Variants in ROBO2 observed in about 807,000 individuals in gnomAD.
The protein encoded by ROBO2 is roundabout homolog 2.
Under a neutral mutation model 160.8 loss-of-function variants are expected in ROBO2, and 53 were observed. The observed-to-expected ratio is 0.33, with a 90% CI of 0.26 to 0.41. The LOEUF (loss-of-function observed/expected upper bound fraction) is 0.41, where lower values mean the gene tolerates loss of function less well. ROBO2 is among the 10% of genes least tolerant of loss of function. The pLI is 1.00. For synonymous variants in ROBO2, 664 were observed against 611.7 expected, an observed-to-expected ratio of 1.09 and a Z score of -1.26; for missense variants, 1,577 against 1,722.4, an observed-to-expected ratio of 0.92 and a Z score of 1.49.
intron 6 of ROBO2, among the ~76,000 whole-genome samples, chr3:77,527,962 A>G (rs910790610): frequency 5.3e-5 from 8 of 151,554 alleles, no homozygotes; most frequent in African/African-American, 1.9e-4. Context: ...TGGGGGAGGG[A>G]TAGTGGAGCT....
At chr3:76,814,594 T>G (rs570044917) in intron 2 of ROBO2, among the ~76,000 whole-genome samples, 26 of 82,858 alleles carry the variant, frequency 3.1e-4, no homozygotes, top group Admixed American at 1.7e-3. Flanking sequence ...AAAGGATCGG[T>G]TTTTTTTGTC....
chr3:77,287,864 A>G (rs1234489987), intron 2 of ROBO2, among the ~76,000 whole-genome samples: 1 of 152,234 alleles, frequency 6.6e-6, no homozygotes, highest in African/African-American at 2.4e-5. Context: ...GAATTAAATT[A>G]ACCTGAGCCT....
intron 2 of ROBO2, among the ~76,000 whole-genome samples, chr3:75,942,477 G>A (rs1212538836): frequency 6.6e-6 from 1 of 152,024 alleles, no homozygotes; most frequent in African/African-American, 2.4e-5. Context: ...CATTGTGGTA[G>A]ACAATAATTT....
At chr3:76,219,925 C>G (rs1050998148) in intron 2 of ROBO2, among the ~76,000 whole-genome samples, 1 of 151,962 alleles carries the variant, frequency 6.6e-6, no homozygotes, top group Non-Finnish European at 1.5e-5. Flanking sequence ...TTGGAACCAA[C>G]CCAAATGTCC....
At chr3:76,484,030 A>T (rs1322395311) in intron 2 of ROBO2, among the ~76,000 whole-genome samples, 1 of 152,150 alleles carries the variant, frequency 6.6e-6, no homozygotes, top group African/African-American at 2.4e-5. Context: ...GAACGTACAC[A>T]TGCATGTGTC....
chr3:76,556,370 A>C (rs1405396645), intron 2 of ROBO2, among the ~76,000 whole-genome samples: 1 of 152,174 alleles, frequency 6.6e-6, no homozygotes, highest in East Asian at 1.9e-4. Flanking sequence ...TTACAAAGAC[A>C]ATAATACTCA....
intron 2 of ROBO2, among the ~76,000 whole-genome samples, chr3:77,437,303 A>T (rs1034462354): frequency 3.9e-5 from 6 of 151,990 alleles, no homozygotes; most frequent in African/African-American, 7.2e-5. Context: ...TAGTTCTTAC[A>T]CTATTTTAAA....
At chr3:76,074,705 C>T (rs2068585793) in intron 2 of ROBO2, among the ~76,000 whole-genome samples, 1 of 152,046 alleles carries the variant, frequency 6.6e-6, no homozygotes, top group South Asian at 2.1e-4. Context: ...AAATATAAGA[C>T]TGTTCATAGT....
chr3:77,433,176 A>G (rs1295275820), intron 2 of ROBO2, among the ~76,000 whole-genome samples: 1 of 151,976 alleles, frequency 6.6e-6, no homozygotes, highest in Non-Finnish European at 1.5e-5. Flanking sequence ...TGCAGACATG[A>G]GTTGATTTTT....
chr3:76,646,752 T>C (rs2090989288), intron 2 of ROBO2, among the ~76,000 whole-genome samples: 1 of 152,204 alleles, frequency 6.6e-6, no homozygotes, highest in African/African-American at 2.4e-5. Flanking sequence ...GCCATAATGA[T>C]GGTTTGTCTA....
chr3:76,634,241 G>C (rs2090189347), intron 2 of ROBO2, among the ~76,000 whole-genome samples: 1 of 152,094 alleles, frequency 6.6e-6, no homozygotes, highest in Non-Finnish European at 1.5e-5. Flanking sequence ...TGCATCCCTG[G>C]TTTCACTTTT....
chr3:76,948,757 G>T (rs944658258), intron 2 of ROBO2, among the ~76,000 whole-genome samples: 1 of 143,112 alleles, frequency 7.0e-6, no homozygotes, highest in Non-Finnish European at 1.5e-5. Flanking sequence ...CCAGGCTGGA[G>T]TGCAGTGGCG....
chr3:77,456,491 A>T (rs1269175729), intron 2 of ROBO2, among the ~76,000 whole-genome samples: 1 of 152,214 alleles, frequency 6.6e-6, no homozygotes, highest in Non-Finnish European at 1.5e-5. Context: ...TTTGTGTGCA[A>T]AACTTTCATT....
At chr3:76,694,657 T>C (rs968171397) in intron 2 of ROBO2, among the ~76,000 whole-genome samples, 2 of 152,200 alleles carry the variant, frequency 1.3e-5, no homozygotes, top group African/African-American at 4.8e-5. Context: ...TATTTAATTT[T>C]GAAATGTACT....
At chr3:77,538,750 A>G in intron 6 of ROBO2, 1 of 327,634 alleles carries the variant, frequency 3.1e-6, no homozygotes, top group Non-Finnish European at 6.1e-6. Flanking sequence ...AGTTGAAGAA[A>G]CAATCACGTA....
intron 2 of ROBO2, among the ~76,000 whole-genome samples, chr3:76,358,787 T>G (rs1038676609): frequency 4.1e-4 from 62 of 151,918 alleles, no homozygotes; most frequent in Non-Finnish European, 7.2e-4. Flanking sequence ...TTATTATTAT[T>G]ATACTTTAAG....
chr3:77,220,295 C>A (rs960868999), intron 2 of ROBO2, among the ~76,000 whole-genome samples: 1 of 152,140 alleles, frequency 6.6e-6, no homozygotes, highest in Admixed American at 6.5e-5. Flanking sequence ...CAGGCATGAG[C>A]CACTGCGCCT....
intron 2 of ROBO2, among the ~76,000 whole-genome samples, chr3:76,338,746 A>C (rs1553712208): frequency 6.7e-6 from 1 of 150,150 alleles, no homozygotes; most frequent in Non-Finnish European, 1.5e-5. Context: ...ATTATGTATA[A>C]TTATTTTTAT....
chr3:77,541,050 C>A (rs1301821520), intron 6 of ROBO2, among the ~76,000 whole-genome samples: 2 of 152,084 alleles, frequency 1.3e-5, no homozygotes, highest in African/African-American at 2.4e-5. Context: ...AAAAAAAATT[C>A]TACTTGAGTT....
Sources: allele counts gnomAD v4.1 joint callset (sites outside exome capture counted in the v4.1 genomes callset), GRCh38; gene constraint gnomAD v4.1.1; transcripts MANE v1.5; gene names NCBI Gene and HGNC (gene_info 2026-07-23, HGNC 2026-07-21).